Variants in ZNF804A observed in about 807,000 individuals in gnomAD.
The protein encoded by ZNF804A is zinc finger protein 804A.
In ZNF804A, 2 loss-of-function variants were observed where a neutral mutation model predicts 16.5. The observed-to-expected ratio is 0.12, with a 90% CI of 0.05 to 0.38. The LOEUF is 0.38. Among genes scored for constraint, ZNF804A ranks in the 10% least tolerant of loss-of-function variants. ZNF804A has a pLI of 0.99. For synonymous variants in ZNF804A, 534 were observed against 489.6 expected (o/e 1.09, Z -1.20); for missense variants, 1,473 against 1,390.7 (o/e 1.06, Z -0.94).
At chr2:184,781,796 G>T (rs1438864420) in intron 1 of ZNF804A, among the ~76,000 whole-genome samples, 1 of 151,814 alleles carries the variant, frequency 6.6e-6, no homozygotes, top group Admixed American at 6.6e-5. Context: ...TGTAATCAGA[G>T]CAGAGAGAAA....
intron 1 of ZNF804A, among the ~76,000 whole-genome samples, chr2:184,698,260 T>A (rs1001113649): frequency 2.0e-5 from 3 of 152,094 alleles, no homozygotes; most frequent in Non-Finnish European, 4.4e-5. Flanking sequence ...TCAACCATTA[T>A]AAAAGGTTGA....
rs907518676 is a variant in ZNF804A at position 184,917,802 on chromosome 2, C to G, written c.256-15801C>G. ...AAGGCATAACTAGCACATACACACA[C>G]ACACACACACACACACACACAAATA... On this transcript the variant is annotated intron_variant, in intron 2 of 3. Coordinates refer to ENST00000302277, the MANE Select transcript of ZNF804A (RefSeq NM_194250.2). 2.6e-4 allele frequency among the ~76,000 whole-genome samples: 39 copies of G among 151,716 alleles called. 2 individuals are homozygous for G. Among genetic ancestry groups the G allele is most frequent in the Non-Finnish European group, 8.8e-5 (6 of 67,930 alleles).
At chr2:184,802,167 A>G (rs911155684) in intron 1 of ZNF804A, among the ~76,000 whole-genome samples, 1 of 152,142 alleles carries the variant, frequency 6.6e-6, no homozygotes, top group South Asian at 2.1e-4. Context: ...TTAGCCTTGT[A>G]TTGGCCTTTG....
intron 1 of ZNF804A, among the ~76,000 whole-genome samples, chr2:184,629,389 A>G (rs1288953462): frequency 1.3e-5 from 2 of 152,158 alleles, no homozygotes; most frequent in East Asian, 3.9e-4. Context: ...ATAAACAATG[A>G]GTTCAGGCAC....
intron 1 of ZNF804A, among the ~76,000 whole-genome samples, chr2:184,802,115 G>A (rs1354984133): frequency 6.6e-6 from 1 of 152,140 alleles, no homozygotes; most frequent in African/African-American, 2.4e-5. Context: ...TGGTAGTAAG[G>A]TGCCGAAGAA....
chr2:184,643,100 G>C (rs548684834), intron 1 of ZNF804A, among the ~76,000 whole-genome samples: 2 of 151,978 alleles, frequency 1.3e-5, no homozygotes, highest in Non-Finnish European at 2.9e-5. Context: ...TCTACTAGTG[G>C]CATGGCATAA....
rs1192134201 is a variant in ZNF804A at position 184,598,748 on chromosome 2, AG to A, written c.-208del. On this transcript the variant is annotated 5_prime_UTR_variant, in exon 1 of 4. Transcript: ENST00000302277. ...GAGGAGAAACAGGAGCGAGAGACTG[AG>A]GGGAGAGCGCGGCGAGCATGCGGAG... 2 of 359,640 alleles carry A rather than the reference AG, an allele frequency of 5.6e-6. No individual in the cohort carries two copies. Among genetic ancestry groups the A allele is most frequent in the Non-Finnish European group, 9.8e-6 (2 of 203,826 alleles). The allele number at this position is 359,640 out of a possible 1,614,324, so 22.3% of individuals were successfully genotyped here.
At chr2:184,769,252 T>C (rs73980304) in intron 1 of ZNF804A, among the ~76,000 whole-genome samples, 13,781 of 152,080 alleles carry the variant, frequency 0.091, 2,095 homozygotes, top group African/African-American at 0.31. Context: ...CTGTAAGTTA[T>C]GAATCAGGCT....
intron 1 of ZNF804A, among the ~76,000 whole-genome samples, chr2:184,630,844 A>G (rs1691594745): frequency 6.6e-6 from 1 of 152,126 alleles, no homozygotes; most frequent in Non-Finnish European, 1.5e-5. Context: ...TTAAACAGAT[A>G]TAAATAAAAT....
chr2:184,628,656 T>A (rs538757347), intron 1 of ZNF804A, among the ~76,000 whole-genome samples: 36 of 152,176 alleles, frequency 2.4e-4, no homozygotes, highest in Admixed American at 6.5e-4. Context: ...TCCTTTTTTT[T>A]AAAAAAATAC....
Position 184,937,747 on chromosome 2 carries a change from G to C in ZNF804A, c.2351G>C (p.Ser784Thr). ...TCACATTCTTATTCTTCAGATGAAA[G>C]TTTAAATCGACAGAATCATTTACCA... ...QHSHSYSSDE[S>T]LNRQNHLPEE... Residue 784 changes from serine (S) to threonine (T), a missense_variant, in exon 4 of 4, where the codon AGT becomes ACT. By Grantham distance (58) the Ser-to-Thr change is moderately conservative. Coordinates refer to ENST00000302277, the MANE Select transcript of ZNF804A (RefSeq NM_194250.2). 6.2e-7 allele frequency: 1 copy of C among 1,613,958 alleles called. No homozygotes were observed. Among genetic ancestry groups the C allele is most frequent in the Non-Finnish European group, 8.5e-7 (1 of 1,179,954 alleles).
intron 1 of ZNF804A, among the ~76,000 whole-genome samples, chr2:184,859,169 G>A (rs936479863): frequency 3.9e-4 from 59 of 152,102 alleles, no homozygotes; most frequent in Middle Eastern, 3.4e-3. Flanking sequence ...AATTTTGAAA[G>A]TGTCTGCTAT....
At chr2:184,659,012 A>C (rs1559119632) in intron 1 of ZNF804A, among the ~76,000 whole-genome samples, 1 of 152,188 alleles carries the variant, frequency 6.6e-6, no homozygotes. Context: ...AAGAATGCAA[A>C]AATAAAGGAA....
chr2:184,737,233 AT>A (rs531927966), intron 1 of ZNF804A, among the ~76,000 whole-genome samples: 4 of 147,656 alleles, frequency 2.7e-5, no homozygotes, highest in East Asian at 2.0e-4. Flanking sequence ...ATTTTTTTCT[AT>A]TTTTTTTTAG....
intron 2 of ZNF804A, among the ~76,000 whole-genome samples, chr2:184,907,204 C>T (rs1221380682): frequency 6.6e-6 from 1 of 152,080 alleles, no homozygotes; most frequent in Admixed American, 6.6e-5. Flanking sequence ...TTATTTTAAG[C>T]CATTTAGTTT....
At chr2:184,697,341 C>T (rs1692848372) in intron 1 of ZNF804A, among the ~76,000 whole-genome samples, 2 of 151,976 alleles carry the variant, frequency 1.3e-5, no homozygotes, top group Non-Finnish European at 2.9e-5. Context: ...ACGTGTCAAG[C>T]CTTTGTTTCT....
intron 1 of ZNF804A, among the ~76,000 whole-genome samples, chr2:184,778,492 A>T (rs1323888765): frequency 6.6e-6 from 1 of 151,678 alleles, no homozygotes; most frequent in African/African-American, 2.4e-5. Flanking sequence ...AGGGACAGGG[A>T]TATACAAGAT....
chr2:184,652,644 C>T (rs1325618024), intron 1 of ZNF804A, among the ~76,000 whole-genome samples: 1 of 152,058 alleles, frequency 6.6e-6, no homozygotes, highest in African/African-American at 2.4e-5. Flanking sequence ...TTTCCAGTAC[C>T]TTTCTAAGCA....
intron 1 of ZNF804A, among the ~76,000 whole-genome samples, chr2:184,636,549 C>CTGTGTG (rs71011052): frequency 0.01 from 1,444 of 138,536 alleles, 6 homozygotes; most frequent in East Asian, 0.016. Flanking sequence ...GGCTCTAGGG[C>CTGTGTG]TGTGTGTGTG....
Sources: gnomAD v4.1 joint callset for allele counts (sites outside exome capture counted in the v4.1 genomes callset) on GRCh38, gnomAD v4.1.1 for gene constraint, MANE v1.5 for transcripts, NCBI Gene and HGNC (gene_info 2026-07-23, HGNC 2026-07-21) for gene names.